The following SH3RF2 variants were observed in gnomAD, a reference collection of about 807,000 sequenced individuals.
The protein encoded by SH3RF2 is E3 ubiquitin-protein ligase SH3RF2.
Under a neutral mutation model 59.0 loss-of-function variants are expected in SH3RF2, and 43 were observed. The ratio of observed to expected loss-of-function variants is 0.73; its 90% CI spans 0.57 to 0.94. SH3RF2 has a LOEUF of 0.94. Among genes scored for constraint, SH3RF2 ranks in the 40% least tolerant of loss-of-function variants. SH3RF2 has a pLI of 0.00. For missense variants in SH3RF2, 930 were observed against 940.1 expected, an observed-to-expected ratio of 0.99 and a Z score of 0.14; for synonymous variants, 391 against 391.5, an observed-to-expected ratio of 1.00 and a Z score of 0.01.
At chr5:145,989,007 C>G (rs994881842) in intron 2 of SH3RF2, among the ~76,000 whole-genome samples, 2 of 152,180 alleles carry the variant, frequency 1.3e-5, no homozygotes, top group African/African-American at 4.8e-5. Flanking sequence ...AGTTAGGGTA[C>G]AGTACAATTT....
At chr5:146,065,671 T>C (rs987385564), downstream of SH3RF2, among the ~76,000 whole-genome samples, 1 of 152,218 alleles carries the variant, frequency 6.6e-6, no homozygotes, top group Non-Finnish European at 1.5e-5. Flanking sequence ...TCTTCACCCA[T>C]GTGCAGCATC....
At chr5:146,066,622 A>T (rs971207206), downstream of SH3RF2, among the ~76,000 whole-genome samples, 1 of 152,202 alleles carries the variant, frequency 6.6e-6, no homozygotes, top group African/African-American at 2.4e-5. Context: ...GTCTAAGCTG[A>T]GTCCTGAAGG....
At chr5:145,994,329 C>T (rs189716684) in intron 2 of SH3RF2, among the ~76,000 whole-genome samples, 25 of 152,332 alleles carry the variant, frequency 1.6e-4, no homozygotes, top group African/African-American at 5.3e-4. Flanking sequence ...CAACCTCTGC[C>T]TGTTACCCAG....
At chr5:146,078,179 C>A (rs1763371025) in intron 9 of SH3RF2, among the ~76,000 whole-genome samples, 1 of 152,144 alleles carries the variant, frequency 6.6e-6, no homozygotes, top group African/African-American at 2.4e-5. Flanking sequence ...CTTGAAAAGT[C>A]TCAGAATATC....
intron 2 of SH3RF2, among the ~76,000 whole-genome samples, chr5:145,998,728 T>G (rs987468173): frequency 2.0e-4 from 31 of 152,220 alleles, no homozygotes; most frequent in African/African-American, 7.5e-4. Flanking sequence ...CTGGCCAACA[T>G]AGTGAAACCC....
rs534838597 is a variant in SH3RF2, at chr5:146,076,635, T to C, written c.*34-1825T>C. 3.3e-5 allele frequency among the ~76,000 whole-genome samples: 5 copies of C among 152,314 alleles called. No homozygotes were observed. In the South Asian group the frequency reaches 1.0e-3, roughly 32 times the overall value. ...GCAGCCACCTGGAGCCTCTGACAGCTCTTACTTGCTGTTGTGCTGAATGGA... is the reference window on the plus strand; with the variant it reads ...GCAGCCACCTGGAGCCTCTGACAGCCCTTACTTGCTGTTGTGCTGAATGGA... On this transcript the variant is annotated intron_variant, in intron 9 of 9. Coordinates refer to the SH3RF2 transcript ENST00000511217.
intron 1 of SH3RF2, 29 bp downstream of exon 1, chr5:145,936,723 C>T (rs1757600013): frequency 6.6e-6 from 1 of 152,536 alleles, no homozygotes; most frequent in African/African-American, 2.4e-5. Flanking sequence ...CCTCCCCAGC[C>T]CGCTGCCGCG....
intron 5 of SH3RF2, among the ~76,000 whole-genome samples, chr5:146,035,085 G>A (rs1430427890): frequency 2.0e-5 from 3 of 148,950 alleles, no homozygotes; most frequent in Non-Finnish European, 4.5e-5. Context: ...CAGCCTGGGC[G>A]ATGAAGTGAG....
At chr5:146,048,881 T>C (rs1762393889) in intron 6 of SH3RF2, among the ~76,000 whole-genome samples, 194 bp from the exon 7 acceptor site, 1 of 152,178 alleles carries the variant, frequency 6.6e-6, no homozygotes, top group Non-Finnish European at 1.5e-5. Flanking sequence ...GGTCTCGAAC[T>C]CCTGACCTCA....
At chr5:146,035,970 G>A (rs998703741) in intron 5 of SH3RF2, among the ~76,000 whole-genome samples, 2 of 152,206 alleles carry the variant, frequency 1.3e-5, no homozygotes, top group Non-Finnish European at 2.9e-5. Flanking sequence ...TCTTCTGTGA[G>A]TAAATGCCGT....
At chr5:146,013,224 T>A (rs1029542798) in intron 4 of SH3RF2, among the ~76,000 whole-genome samples, 13 of 152,072 alleles carry the variant, frequency 8.5e-5, no homozygotes, top group African/African-American at 3.1e-4. Context: ...GAATCATGTG[T>A]AGAAGGTCCC....
At chr5:145,962,615 C>T (rs1392903852) in intron 2 of SH3RF2, among the ~76,000 whole-genome samples, 1 of 151,954 alleles carries the variant, frequency 6.6e-6, no homozygotes. Flanking sequence ...TGGCACCTAC[C>T]TCATCCTCCC....
chr5:146,005,221 C>A (rs1211258762), intron 4 of SH3RF2, among the ~76,000 whole-genome samples: 1 of 151,840 alleles, frequency 6.6e-6, no homozygotes, highest in African/African-American at 2.4e-5. Context: ...TATAATATAA[C>A]CTGTCAGTGC....
rs533762036 is a variant in SH3RF2, at chr5:145,977,168, C to T, written c.379-22890C>T. On this transcript the variant is annotated intron_variant, in intron 2 of 9. Coordinates refer to ENST00000359120, the MANE Select transcript of SH3RF2 (RefSeq NM_152550.4). Reference sequence around the variant, plus strand: ...GAGCAATATCTTCTGATTCCTAGTCCAGGGCTCTTTTTCTTAGGCCCGACT... The same window carrying T: ...GAGCAATATCTTCTGATTCCTAGTCTAGGGCTCTTTTTCTTAGGCCCGACT... Among the ~76,000 whole-genome samples, 18 of 152,328 alleles carry T rather than the reference C, an allele frequency of 1.2e-4. 1 individual carries two copies. The South Asian group carries it at 3.3e-3, about 28-fold the overall frequency.
intron 5 of SH3RF2, among the ~76,000 whole-genome samples, chr5:146,037,222 A>G (rs1371798806): frequency 6.6e-6 from 1 of 152,176 alleles, no homozygotes. Flanking sequence ...GGTAGCCACT[A>G]TTCTTGCCCC....
Position 146,060,009 on chromosome 5 carries a change from G to C in SH3RF2, c.1699G>C (p.Val567Leu). The C allele has an allele frequency of 6.2e-7, 1 of 1,603,384 alleles. No individual in the cohort carries two copies. The change falls in exon 9 of 10, where the codon GTG (valine) becomes CTG (leucine). Residue 567 changes from valine (V) to leucine (L), a missense_variant. Transcript: ENST00000359120. Reference sequence around the variant, plus strand: ...GATCCCCTCCTCCCCCTCAGCCGTGGTGGTGGAGATGGGGTCCAAGCCTGC... The same window carrying C: ...GATCCCCTCCTCCCCCTCAGCCGTGCTGGTGGAGATGGGGTCCAAGCCTGC... Reference protein sequence around the residue: ...QGIPSSPSAVVVEMGSKPALT... With the variant: ...QGIPSSPSAVLVEMGSKPALT...
intron 9 of SH3RF2, among the ~76,000 whole-genome samples, chr5:146,070,934 C>T (rs1198873957): frequency 2.0e-5 from 3 of 152,176 alleles, no homozygotes; most frequent in Admixed American, 1.3e-4. Context: ...GCACTATGTG[C>T]ATTTTGTGTT....
chr5:146,037,209 T>C (rs1580897787), intron 5 of SH3RF2, among the ~76,000 whole-genome samples: 1 of 152,172 alleles, frequency 6.6e-6, no homozygotes, highest in Admixed American at 6.5e-5. Flanking sequence ...AAGAACCTCA[T>C]GAGGTAGCCA....
chr5:145,989,809 C>G (rs997813347), intron 2 of SH3RF2, among the ~76,000 whole-genome samples: 4 of 152,086 alleles, frequency 2.6e-5, no homozygotes, highest in African/African-American at 9.7e-5. Context: ...TCTGCTTTTT[C>G]CCTTGTATGT....
Sources: allele counts gnomAD v4.1 joint callset (sites outside exome capture counted in the v4.1 genomes callset), GRCh38; gene constraint gnomAD v4.1.1; transcripts MANE v1.5; gene names NCBI Gene and HGNC (gene_info 2026-07-23, HGNC 2026-07-21).